CCDC3: variants seen among roughly 807,000 people sequenced by gnomAD.
CCDC3 encodes the protein coiled-coil domain containing 3.
Under a neutral mutation model 21.4 loss-of-function variants are expected in CCDC3, and 24 were observed. The observed-to-expected ratio is 1.12, with a 90% CI of 0.81 to 1.58. The LOEUF (loss-of-function observed/expected upper bound fraction) is 1.58. Among genes scored for constraint, CCDC3 ranks in the 40% most tolerant of loss-of-function variants. The pLI, the probability that CCDC3 is intolerant of heterozygous loss-of-function variation, is 0.00. For missense variants in CCDC3, 425 were observed against 360.9 expected, an observed-to-expected ratio of 1.18 and a Z score of -1.44; for synonymous variants, 186 against 166.0, an observed-to-expected ratio of 1.12 and a Z score of -0.93.
chr10:13,041,736 C>T (rs1307436872), intron 5 of CCDC3, among the ~76,000 whole-genome samples: 2 of 151,830 alleles, frequency 1.3e-5, no homozygotes, highest in East Asian at 1.9e-4. Context: ...GATCCACCTG[C>T]CTCAACCTCC....
intron 2 of CCDC3, among the ~76,000 whole-genome samples, chr10:12,955,534 AC>A (rs369022846): frequency 1.3e-5 from 2 of 152,220 alleles, no homozygotes; most frequent in African/African-American, 4.8e-5. Flanking sequence ...TTGTAGCCAA[AC>A]CCAGGTTCAG....
At chr10:13,017,447 G>A (rs1268004965) in intron 5 of CCDC3, among the ~76,000 whole-genome samples, 3 of 150,692 alleles carry the variant, frequency 2.0e-5, no homozygotes, top group Non-Finnish European at 1.5e-5. Flanking sequence ...AACCCGGGAG[G>A]TGGAGGTTGC....
At chr10:13,086,128 A>G (rs1236794066) in intron 3 of CCDC3, among the ~76,000 whole-genome samples, 1 of 152,208 alleles carries the variant, frequency 6.6e-6, no homozygotes, top group East Asian at 1.9e-4. Context: ...ATAAACTTCC[A>G]TATGTTCTTA....
Position 12,998,330 on chromosome 10 carries a change from A to G in CCDC3, c.549+8T>C, listed in dbSNP as rs368111870. ...TTTGCTGTGGCACAGGATTTAGCCAATTCTTACCCTACTGTCTTCCTGGAT... is the reference window on the plus strand; with the variant it reads ...TTTGCTGTGGCACAGGATTTAGCCAGTTCTTACCCTACTGTCTTCCTGGAT... On this transcript the variant is annotated splice_region_variant and intron_variant, in intron 2 of 2. Coordinates refer to ENST00000378825, the MANE Select transcript of CCDC3 (RefSeq NM_031455.4). 2.5e-6 allele frequency: 4 copies of G among 1,613,086 alleles called. No individual in the cohort carries two copies. The East Asian group carries it at 6.7e-5, about 27-fold the overall frequency.
At chr10:12,951,056 T>C (rs1326349545) in intron 2 of CCDC3, among the ~76,000 whole-genome samples, 2 of 152,160 alleles carry the variant, frequency 1.3e-5, no homozygotes, top group African/African-American at 4.8e-5. Flanking sequence ...GCTGAGGCAA[T>C]CAATCAGAAA....
chr10:13,024,875 G>A (rs751155470), intron 5 of CCDC3, among the ~76,000 whole-genome samples: 4 of 151,896 alleles, frequency 2.6e-5, no homozygotes, highest in South Asian at 2.1e-4. Flanking sequence ...TCTTTCCTCC[G>A]GCTTCCCATA....
At chr10:12,933,292 C>A (rs1332462940) in intron 2 of CCDC3, among the ~76,000 whole-genome samples, 1 of 152,080 alleles carries the variant, frequency 6.6e-6, no homozygotes, top group Non-Finnish European at 1.5e-5. Context: ...TGCTTTGAGT[C>A]TGGAAGGTTT....
intron 2 of CCDC3, among the ~76,000 whole-genome samples, chr10:12,951,492 A>G (rs992060347): frequency 2.6e-5 from 4 of 152,194 alleles, no homozygotes; most frequent in Admixed American, 6.5e-5. Context: ...AGCAGGGTGG[A>G]CAGGAAGTAT....
Position 12,997,765 on chromosome 10 carries a change from C to T in CCDC3, c.549+573G>A, listed in dbSNP as rs375132755. On this transcript the variant is annotated intron_variant, in intron 2 of 2. Transcript: ENST00000378825. ...CTTACTCTTTTAAGCATTACGCTAA[C>T]GGATTTACATAATTATAGTTTTTAC... Among the ~76,000 whole-genome samples, 8 of 152,158 alleles carry T rather than the reference C, an allele frequency of 5.3e-5. No individual in the cohort carries two copies. The East Asian group carries it at 5.8e-4, about 11-fold the overall frequency.
chr10:12,957,560 G>A (rs1049314758), intron 2 of CCDC3, among the ~76,000 whole-genome samples: 1 of 152,224 alleles, frequency 6.6e-6, no homozygotes, highest in African/African-American at 2.4e-5. Flanking sequence ...CGGATGGGAG[G>A]TGAATGGATC....
chr10:12,909,355 C>T (rs919363848), intron 2 of CCDC3, among the ~76,000 whole-genome samples: 2 of 152,156 alleles, frequency 1.3e-5, no homozygotes, highest in Admixed American at 1.3e-4. Context: ...GGCAAAAGGA[C>T]CTGATGATGT....
chr10:13,008,403 G>T (rs1835948874), intron 5 of CCDC3, among the ~76,000 whole-genome samples: 1 of 152,182 alleles, frequency 6.6e-6, no homozygotes, highest in African/African-American at 2.4e-5. Flanking sequence ...TGTTGGGGAA[G>T]GCAGCAGCAG....
intron 2 of CCDC3, among the ~76,000 whole-genome samples, chr10:12,917,969 A>T (rs1834384988): frequency 6.6e-6 from 1 of 152,240 alleles, no homozygotes; most frequent in Non-Finnish European, 1.5e-5. Flanking sequence ...TTTTTTAAAA[A>T]TGTCATACTG....
chr10:12,986,583 G>A (rs1241012974), intron 2 of CCDC3, among the ~76,000 whole-genome samples: 2 of 152,156 alleles, frequency 1.3e-5, no homozygotes, highest in African/African-American at 2.4e-5. Flanking sequence ...AACCACTCTA[G>A]CTAACATGGT....
chr10:13,054,447 C>G (rs1373147351), intron 4 of CCDC3, among the ~76,000 whole-genome samples: 3 of 152,082 alleles, frequency 2.0e-5, no homozygotes, highest in Admixed American at 6.6e-5. Context: ...CAAAAACTCG[C>G]TGTTTGTTTG....
chr10:12,983,122 A>C (rs1432015760), intron 2 of CCDC3, among the ~76,000 whole-genome samples: 2 of 116,348 alleles, frequency 1.7e-5, no homozygotes, highest in East Asian at 4.8e-4. Flanking sequence ...ATAAATAAAT[A>C]AAATAGTGTA....
At chr10:12,966,124 C>G (rs995156932) in intron 2 of CCDC3, among the ~76,000 whole-genome samples, 2 of 151,708 alleles carry the variant, frequency 1.3e-5, no homozygotes, top group African/African-American at 2.4e-5. Flanking sequence ...CGTAAATAGG[C>G]TGTGCTGAAG....
chr10:12,914,740 G>A (rs1230542849), intron 2 of CCDC3, among the ~76,000 whole-genome samples: 3 of 152,160 alleles, frequency 2.0e-5, no homozygotes, highest in Admixed American at 1.3e-4. Context: ...GAGCCACCAT[G>A]CCTGGCCTGA....
chr10:12,920,374 G>C (rs1167902053), intron 2 of CCDC3, among the ~76,000 whole-genome samples: 3 of 152,186 alleles, frequency 2.0e-5, no homozygotes, highest in African/African-American at 7.2e-5. Flanking sequence ...TACAATTCAA[G>C]ATGAGATTTG....
Sources: allele counts gnomAD v4.1 joint callset (sites outside exome capture counted in the v4.1 genomes callset), GRCh38; gene constraint gnomAD v4.1.1; transcripts MANE v1.5; gene names NCBI Gene and HGNC (gene_info 2026-07-23, HGNC 2026-07-21).